Variants in PABPC4L observed in about 807,000 individuals in gnomAD.
PABPC4L encodes poly(A) binding protein cytoplasmic 4 like, also known as polyadenylate-binding protein 4-like.
For missense variants in PABPC4L, 452 were observed against 451.4 expected (o/e 1.00, Z -0.01); for synonymous variants, 169 against 164.1 (o/e 1.03, Z -0.23).
At chr4:134,189,195 T>G in the PABPC4L span, among the ~76,000 whole-genome samples, 1 of 152,116 alleles carries the variant, frequency 6.6e-6, no homozygotes, top group African/African-American at 2.4e-5. Flanking sequence ...TATTCTTGCA[T>G]ATTGTCTACT....
the PABPC4L span, among the ~76,000 whole-genome samples, chr4:134,159,499 G>A: frequency 1.3e-5 from 2 of 152,108 alleles, no homozygotes; most frequent in African/African-American, 2.4e-5. Context: ...TGGGGAGGGA[G>A]AGTAAGCATG....
the PABPC4L span, among the ~76,000 whole-genome samples, chr4:133,965,603 T>G: frequency 2.0e-5 from 3 of 152,196 alleles, no homozygotes; most frequent in Admixed American, 2.0e-4. Context: ...AGCATGGCAC[T>G]GATACACAAA....
At chr4:133,978,963 T>A in the PABPC4L span, 2 of 152,150 alleles carry the variant, frequency 1.3e-5, no homozygotes, top group Non-Finnish European at 2.9e-5. Context: ...ATTCATATAA[T>A]GTAATTTGAA....
At chr4:134,050,970 A>G in the PABPC4L span, among the ~76,000 whole-genome samples, 1 of 150,956 alleles carries the variant, frequency 6.6e-6, no homozygotes, top group East Asian at 2.0e-4. Flanking sequence ...AATGTTACAC[A>G]TTATATTTTG....
the PABPC4L span, among the ~76,000 whole-genome samples, chr4:133,969,164 C>A: frequency 1.1e-4 from 17 of 152,264 alleles, no homozygotes; most frequent in Admixed American, 8.5e-4. Context: ...CCTTCTCACT[C>A]TATATACACT....
At chr4:134,134,480 C>T in the PABPC4L span, among the ~76,000 whole-genome samples, 2 of 151,560 alleles carry the variant, frequency 1.3e-5, no homozygotes, top group Admixed American at 1.3e-4. Context: ...TTTTACTAAA[C>T]AAAGCAAAGT....
chr4:133,949,587 A>G, the PABPC4L span, among the ~76,000 whole-genome samples: 1 of 151,838 alleles, frequency 6.6e-6, no homozygotes, highest in Non-Finnish European at 1.5e-5. Context: ...TTTTTCTAGG[A>G]TTTCTTTTAC....
At chr4:133,950,712 T>C in the PABPC4L span, among the ~76,000 whole-genome samples, 21 of 152,316 alleles carry the variant, frequency 1.4e-4, no homozygotes, top group Admixed American at 8.5e-4. Flanking sequence ...TTAGGCTAAA[T>C]AGTCTAACTT....
the PABPC4L span, among the ~76,000 whole-genome samples, chr4:133,951,141 C>A: frequency 1.3e-5 from 2 of 152,058 alleles, no homozygotes; most frequent in Non-Finnish European, 2.9e-5. Flanking sequence ...GACAACATAG[C>A]CATTGTCTCT....
At chr4:134,059,283 G>T in the PABPC4L span, among the ~76,000 whole-genome samples, 5 of 151,180 alleles carry the variant, frequency 3.3e-5, no homozygotes, top group African/African-American at 1.2e-4. Context: ...TATACTTAAA[G>T]GTTCGTCGGA....
chr4:134,044,964 A>G, the PABPC4L span, among the ~76,000 whole-genome samples: 2 of 152,178 alleles, frequency 1.3e-5, no homozygotes, highest in African/African-American at 4.8e-5. Context: ...GCATCTTTCA[A>G]ATCAAATATT....
the PABPC4L span, among the ~76,000 whole-genome samples, chr4:134,003,058 C>T: frequency 2.6e-5 from 4 of 151,860 alleles, no homozygotes; most frequent in Non-Finnish European, 5.9e-5. Context: ...AAATTCATTT[C>T]AGGGGTGTCT....
downstream of PABPC4L, among the ~76,000 whole-genome samples, chr4:134,194,029 A>G (rs1353318313): frequency 6.6e-6 from 1 of 151,902 alleles, no homozygotes; most frequent in Non-Finnish European, 1.5e-5. Context: ...GTCCAGTCAC[A>G]TGTATTAAGA....
chr4:134,008,859 T>G, the PABPC4L span, among the ~76,000 whole-genome samples: 53 of 151,750 alleles, frequency 3.5e-4, no homozygotes, highest in African/African-American at 1.3e-3. Context: ...TGAAATATTG[T>G]AAATAACCTA....
the PABPC4L span, among the ~76,000 whole-genome samples, chr4:133,998,055 G>T: frequency 1.3e-5 from 2 of 151,620 alleles, no homozygotes; most frequent in Non-Finnish European, 1.5e-5. Flanking sequence ...TGAACCATTT[G>T]TATGATCATG....
chr4:134,121,964 T>G, the PABPC4L span, among the ~76,000 whole-genome samples: 3 of 151,868 alleles, frequency 2.0e-5, no homozygotes, highest in African/African-American at 4.8e-5. Context: ...TGTTGAATCT[T>G]GGCTTCCATA....
chr4:134,012,216 A>C, the PABPC4L span, among the ~76,000 whole-genome samples: 2 of 152,156 alleles, frequency 1.3e-5, no homozygotes, highest in Non-Finnish European at 2.9e-5. Flanking sequence ...CAATGGTGTC[A>C]GGCCTCTGAG....
At chr4:134,087,568 A>G in the PABPC4L span, among the ~76,000 whole-genome samples, 2 of 152,160 alleles carry the variant, frequency 1.3e-5, no homozygotes, top group African/African-American at 4.8e-5. Flanking sequence ...AGTGCAATGC[A>G]GTCTCTGGAG....
chr4:134,021,816 AT>A, the PABPC4L span, among the ~76,000 whole-genome samples: 2 of 151,854 alleles, frequency 1.3e-5, no homozygotes, highest in East Asian at 1.9e-4. Flanking sequence ...TGTTCTAGAC[AT>A]TTTTTTCTGC....
Sources: allele counts gnomAD v4.1 joint callset (sites outside exome capture counted in the v4.1 genomes callset), GRCh38; gene constraint gnomAD v4.1.1; transcripts MANE v1.5; gene names NCBI Gene and HGNC (gene_info 2026-07-23, HGNC 2026-07-21).